TRPM3: variants seen among roughly 807,000 people sequenced by gnomAD.
The protein encoded by TRPM3 is transient receptor potential cation channel subfamily M member 3.
A neutral mutation model predicts 181.2 loss-of-function variants in TRPM3; 77 were observed. That is an observed-to-expected ratio of 0.42 (90% CI 0.35 to 0.51). TRPM3 has a LOEUF of 0.51. Among genes scored for constraint, TRPM3 ranks in the 20% least tolerant of loss-of-function variants. The probability of loss-of-function intolerance (pLI) is 0.01; values close to 1 mark genes in which losing one functional copy is unlikely to be tolerated. For missense variants in TRPM3, 1,759 were observed against 2,196.7 expected, an observed-to-expected ratio of 0.80 and a Z score of 3.98; for synonymous variants, 745 against 796.4, an observed-to-expected ratio of 0.94 and a Z score of 1.09.
At chr9:70,556,933 C>T (rs1433764138) in intron 22 of TRPM3, among the ~76,000 whole-genome samples, 1 of 152,098 alleles carries the variant, frequency 6.6e-6, no homozygotes, top group Non-Finnish European at 1.5e-5. Flanking sequence ...TGAACATTAG[C>T]TGAGTCATGA....
chr9:70,556,539 T>C (rs1263378183), intron 22 of TRPM3, among the ~76,000 whole-genome samples: 1 of 152,124 alleles, frequency 6.6e-6, no homozygotes. Context: ...CTGGTCAACA[T>C]GGCAAAACCC....
At chr9:70,877,119 A>G (rs184176506) in intron 1 of TRPM3, among the ~76,000 whole-genome samples, 6 of 152,124 alleles carry the variant, frequency 3.9e-5, no homozygotes, top group Non-Finnish European at 7.4e-5. Flanking sequence ...AAAATGACGA[A>G]TTAGCTCATG....
chr9:71,148,546 A>C (rs1374594605), intron 1 of TRPM3, among the ~76,000 whole-genome samples: 5 of 152,184 alleles, frequency 3.3e-5, no homozygotes, highest in Non-Finnish European at 7.4e-5. Context: ...TTTGGAGCAG[A>C]ATATACAGCC....
chr9:71,296,145 C>T (rs2086242248), intron 1 of TRPM3, among the ~76,000 whole-genome samples: 1 of 152,152 alleles, frequency 6.6e-6, no homozygotes, highest in Non-Finnish European at 1.5e-5. Context: ...CATACAGTTT[C>T]TCTTTTAATC....
chr9:71,253,923 AATT>A (rs753382812), intron 1 of TRPM3, among the ~76,000 whole-genome samples: 66 of 152,148 alleles, frequency 4.3e-4, no homozygotes, highest in Middle Eastern at 3.4e-3. Context: ...AAAGTGGATA[AATT>A]ATTATTATTA....
chr9:70,993,081 G>C (rs2097504329), intron 1 of TRPM3, among the ~76,000 whole-genome samples: 1 of 152,208 alleles, frequency 6.6e-6, no homozygotes, highest in Admixed American at 6.5e-5. Flanking sequence ...GGTTGCGGCA[G>C]GACCTGAGGG....
At chr9:71,164,281 T>A (rs187127016) in intron 1 of TRPM3, among the ~76,000 whole-genome samples, 100 of 152,334 alleles carry the variant, frequency 6.6e-4, no homozygotes, top group African/African-American at 2.4e-3. Flanking sequence ...TCACGGAAAT[T>A]TGTTTTAGAT....
intron 22 of TRPM3, among the ~76,000 whole-genome samples, chr9:70,574,089 C>T (rs548651355): frequency 1.6e-4 from 24 of 148,946 alleles, no homozygotes; most frequent in South Asian, 8.5e-4. Flanking sequence ...CACACACGCG[C>T]GCGCACACAC....
chr9:71,037,256 G>C (rs943732355), intron 1 of TRPM3, among the ~76,000 whole-genome samples: 10 of 152,122 alleles, frequency 6.6e-5, no homozygotes, highest in African/African-American at 2.2e-4. Flanking sequence ...GGGTGCTTAG[G>C]TATATAAGAC....
chr9:70,980,551 C>T (rs908922401), intron 1 of TRPM3, among the ~76,000 whole-genome samples: 3 of 152,062 alleles, frequency 2.0e-5, no homozygotes, highest in African/African-American at 7.2e-5. Flanking sequence ...GAGGCTGCTC[C>T]CCGGGGTTCT....
At chr9:70,912,248 A>C (rs2096545494) in intron 1 of TRPM3, among the ~76,000 whole-genome samples, 1 of 152,196 alleles carries the variant, frequency 6.6e-6, no homozygotes, top group Non-Finnish European at 1.5e-5. Context: ...TGTTCCAGGC[A>C]CTTTATAATT....
intron 1 of TRPM3, among the ~76,000 whole-genome samples, chr9:71,341,914 CA>C (rs2090989129): frequency 1.3e-5 from 2 of 151,700 alleles, no homozygotes; most frequent in African/African-American, 4.8e-5. Context: ...ACTTGCAATA[CA>C]TCACAGATAA....
intron 9 of TRPM3, among the ~76,000 whole-genome samples, chr9:70,655,901 A>T (rs1416481662): frequency 6.6e-6 from 1 of 152,208 alleles, no homozygotes; most frequent in Non-Finnish European, 1.5e-5. Flanking sequence ...ATATATTTCT[A>T]TTGGCATGCC....
intron 1 of TRPM3, among the ~76,000 whole-genome samples, chr9:71,292,809 G>C (rs1445878330): frequency 6.6e-6 from 1 of 151,768 alleles, no homozygotes; most frequent in African/African-American, 2.4e-5. Flanking sequence ...TCTAACTTTT[G>C]ATACTGACAC....
intron 17 of TRPM3, 130 bp downstream of exon 17, chr9:70,618,737 G>T: frequency 1.3e-6 from 1 of 778,568 alleles, no homozygotes; most frequent in Non-Finnish European, 2.1e-6. Flanking sequence ...GGATTCTGAG[G>T]CACAGTCAGG....
chr9:71,214,486 G>A (rs905503234), intron 1 of TRPM3, among the ~76,000 whole-genome samples: 1 of 152,140 alleles, frequency 6.6e-6, no homozygotes, highest in African/African-American at 2.4e-5. Flanking sequence ...CCAAAAAGGA[G>A]AAACAATCCA....
At chr9:71,426,077 T>C (rs924071405) in intron 1 of TRPM3, among the ~76,000 whole-genome samples, 23 of 152,302 alleles carry the variant, frequency 1.5e-4, no homozygotes, top group African/African-American at 4.6e-4. Flanking sequence ...CTTTTTGTAT[T>C]TCACAATTAG....
chr9:71,233,067 G>A lies in TRPM3; in HGVS notation c.183+213586C>T, dbSNP rs963573583. ...GGTTTGACATCTGAAAGTGCCATAT[G>A]TAGCTAGAAAAAGGGCAAACCAGGG... On this transcript the variant is annotated intron_variant, in intron 1 of 24. Coordinates refer to the TRPM3 transcript ENST00000357533. Among the ~76,000 whole-genome samples the A allele has an allele frequency of 3.3e-4, 50 of 152,124 alleles. 1 individual carries two copies. The highest frequency in any genetic ancestry group is 1.2e-3 in the Admixed American group (19 of 15,272).
chr9:71,044,348 A>G (rs577988650), intron 1 of TRPM3, among the ~76,000 whole-genome samples: 2 of 152,290 alleles, frequency 1.3e-5, no homozygotes, highest in South Asian at 2.1e-4. Flanking sequence ...GCAGAGAAGA[A>G]AACCCAAAGA....
Sources: gnomAD v4.1 joint callset for allele counts (sites outside exome capture counted in the v4.1 genomes callset) on GRCh38, gnomAD v4.1.1 for gene constraint, MANE v1.5 for transcripts, NCBI Gene and HGNC (gene_info 2026-07-23, HGNC 2026-07-21) for gene names.